Variants in SGO2 observed in about 807,000 individuals in gnomAD.
The protein encoded by SGO2 is shugoshin-like 2.
A neutral mutation model predicts 99.5 loss-of-function variants in SGO2; 68 were observed. The ratio of observed to expected loss-of-function variants is 0.68; its 90% CI spans 0.56 to 0.84. SGO2 has a LOEUF of 0.84. SGO2 is among the 40% of genes least tolerant of loss of function. The pLI is 0.00. For synonymous variants in SGO2, 457 were observed against 487.1 expected (o/e 0.94, Z 0.81); for missense variants, 1,350 against 1,436.7 (o/e 0.94, Z 0.97).
intron 2 of SGO2, 98 bp downstream of exon 2, chr2:200,533,206 A>G (rs1173917049): frequency 7.6e-7 from 1 of 1,309,754 alleles, no homozygotes; most frequent in African/African-American, 1.5e-5. Flanking sequence ...GAAAATTACT[A>G]AAATGACCAT....
rs151154204 is a variant in SGO2, at chr2:200,571,431, A to C, written c.1085A>C (p.Asp362Ala). The C allele has an allele frequency of 5.3e-4, 857 of 1,610,990 alleles. 5 individuals are homozygous for C. In the African/African-American group the frequency reaches 0.01, roughly 19 times the overall value. ...TTTCAATTGCAGAAAACTGTGTATG[A>C]TGCTGACATGGATTTAACTGCTAGT... ...DDFQLQKTVY[D>A]ADMDLTASEV... The change falls in exon 7 of 9, where the codon GAT becomes GCT. Residue 362 changes from aspartate to alanine, a missense_variant. By Grantham distance (126) the Asp-to-Ala change is moderately radical. Coordinates refer to ENST00000357799, the MANE Select transcript of SGO2 (RefSeq NM_152524.6).
chr2:200,535,981 A>G, intron 3 of SGO2, 84 bp from the exon 4 acceptor site: 1 of 819,860 alleles, frequency 1.2e-6, no homozygotes, highest in Non-Finnish European at 1.9e-6. Flanking sequence ...GTTTTCTCAC[A>G]TGGATGGCAT....
rs766832478 is a variant in SGO2 at position 200,573,848 on chromosome 2, A to T, written c.3502A>T (p.Lys1168Ter). The T allele has an allele frequency of 1.9e-6, 3 of 1,613,308 alleles. No individual in the cohort carries two copies. Among genetic ancestry groups the T allele is most frequent in the Non-Finnish European group, 2.5e-6 (3 of 1,179,484 alleles). The change falls in exon 7 of 9, where the codon AAA becomes TAA. Residue 1168 changes from lysine to a stop codon, truncating the protein, a stop_gained. Transcript: ENST00000357799. LOFTEE classifies it high-confidence loss of function. ...GLVPLSVSSG[K>*]NVIIKENFAL... ...AGTACCTTTGAGCGTTTCTTCTGGT[A>T]AAAATGTGATAATAAAAGAAAATTT...
intron 2 of SGO2, 194 bp downstream of exon 2, chr2:200,533,302 G>A (rs1288332223): frequency 1.3e-5 from 6 of 457,872 alleles, no homozygotes; most frequent in Non-Finnish European, 2.2e-5. Flanking sequence ...TTTACCCTAA[G>A]TGTGACACAG....
At chr2:200,532,922 A>T (rs2031483920) in intron 1 of SGO2, 52 bp from the exon 2 acceptor site, 2 of 1,521,348 alleles carry the variant, frequency 1.3e-6, no homozygotes, top group African/African-American at 2.8e-5. Flanking sequence ...TTTATCAGTT[A>T]TACTTTTTCT....
rs1044950067 is a variant in SGO2 at position 200,555,519 on chromosome 2, T to A, written c.473+12855T>A. Among the ~76,000 whole-genome samples, 6 of 152,272 alleles carry A rather than the reference T, an allele frequency of 3.9e-5. No homozygotes were observed. In the East Asian group the frequency reaches 9.6e-4, roughly 24 times the overall value. ...CAGTACAATGATTTTACTGTGCATTTTTTACAAAGCAACCCAAAGCTAATC... is the reference window on the plus strand; with the variant it reads ...CAGTACAATGATTTTACTGTGCATTATTTACAAAGCAACCCAAAGCTAATC... On this transcript the variant is annotated intron_variant, in intron 5 of 8. Transcript: ENST00000357799.
intron 4 of SGO2, among the ~76,000 whole-genome samples, chr2:200,541,570 A>G (rs929188753): frequency 6.6e-6 from 1 of 152,182 alleles, no homozygotes; most frequent in Non-Finnish European, 1.5e-5. Context: ...TGCAAGTATA[A>G]TAAACTTTAT....
At position 200,562,202 on chromosome 2, in the gene SGO2, A is replaced by G. The variant is rs1224181898; in HGVS notation, c.474-7461A>G. On this transcript the variant is annotated intron_variant, in intron 5 of 8. Coordinates refer to ENST00000357799, the MANE Select transcript of SGO2 (RefSeq NM_152524.6). ...TTTATGGTTTTAGGTCTAACATGTA[A>G]GTCTTTAATCCATCTTGAATTAATT... Among the ~76,000 whole-genome samples the G allele has an allele frequency of 2.0e-5, 3 of 152,312 alleles. No homozygotes were observed. The East Asian group carries it at 5.8e-4, about 29-fold the overall frequency.
chr2:200,543,030 C>T (rs112299403), intron 5 of SGO2: 8,613 of 153,060 alleles, frequency 0.056, 310 homozygotes, highest in Non-Finnish European at 0.086. Context: ...ACCAGCAGGA[C>T]GTGGTGGCTC....
intron 5 of SGO2, among the ~76,000 whole-genome samples, chr2:200,550,997 A>AG (rs1413648532): frequency 6.6e-6 from 1 of 151,998 alleles, no homozygotes; most frequent in African/African-American, 2.4e-5. Flanking sequence ...GTAGCAAAAA[A>AG]AAAAAAGAAA....
intron 5 of SGO2, among the ~76,000 whole-genome samples, chr2:200,557,417 C>CT (rs1553560738): frequency 1.3e-5 from 2 of 152,160 alleles, no homozygotes; most frequent in Admixed American, 1.3e-4. Flanking sequence ...GTGCTGCAGT[C>CT]TATTTCCTTT....
chr2:200,539,026 A>G (rs2031832200), intron 4 of SGO2, among the ~76,000 whole-genome samples: 1 of 152,126 alleles, frequency 6.6e-6, no homozygotes, highest in South Asian at 2.1e-4. Context: ...AGCCCATAAA[A>G]AGAATTTGGA....
At position 200,570,631 on chromosome 2, in the gene SGO2, CATAT is replaced by C. The variant is rs138812595; in HGVS notation, c.704-416_704-413del. Among the ~76,000 whole-genome samples, 2 of 150,456 alleles carry C rather than the reference CATAT, an allele frequency of 1.3e-5. No individual in the cohort carries two copies. Among genetic ancestry groups the C allele is most frequent in the Non-Finnish European group, 3.0e-5 (2 of 67,548 alleles). On this transcript the variant is annotated intron_variant, in intron 6 of 8. Coordinates refer to ENST00000357799, the MANE Select transcript of SGO2 (RefSeq NM_152524.6). The surrounding 1 kb of genome is among the most constrained non-coding windows in gnomAD (Gnocchi z 4.4). ...GTGTATATATTTACACACATACAAACATATATTAATATATGTATATATAATTTAT... is the reference window on the plus strand; with the variant it reads ...GTGTATATATTTACACACATACAAACATTAATATATGTATATATAATTTAT...
At chr2:200,557,518 C>G (rs1262564735) in intron 5 of SGO2, among the ~76,000 whole-genome samples, 3 of 152,138 alleles carry the variant, frequency 2.0e-5, no homozygotes, top group Admixed American at 6.5e-5. Flanking sequence ...AGAGAGGGTT[C>G]TTGGATCTCA....
At chr2:200,581,850 G>A (rs757238872) in intron 8 of SGO2, among the ~76,000 whole-genome samples, 11 of 152,124 alleles carry the variant, frequency 7.2e-5, no homozygotes, top group Non-Finnish European at 1.5e-4. Context: ...ACAGCATTTT[G>A]CTGTGTTTTA....
rs1421695328 is a variant in SGO2 at position 200,572,279 on chromosome 2, A to G, written c.1933A>G (p.Asn645Asp). 6.2e-7 allele frequency: 1 copy of G among 1,610,718 alleles called. No individual in the cohort carries two copies. The change falls in exon 7 of 9, where the codon AAT becomes GAT. Residue 645 changes from asparagine to aspartate, a missense_variant. Physicochemically the swap from Asn to Asp is conservative, Grantham distance 23. Coordinates refer to ENST00000357799, the MANE Select transcript of SGO2 (RefSeq NM_152524.6). ...KDVVHGLKKG[N>D]FFFKTQEDKE... ...TGTGGTGCATGGCCTAAAAAAAGGT[A>G]ATTTTTTTTTCAAAACCCAAGAGGA...
chr2:200,532,445 C>G, intron 1 of SGO2: 1 of 984,826 alleles, frequency 1.0e-6, no homozygotes, highest in Non-Finnish European at 1.2e-6. Flanking sequence ...TTAATCGCTT[C>G]TCCTCTGCAT....
intron 5 of SGO2, 24 bp downstream of exon 5, chr2:200,542,688 T>TA (rs1313985427): frequency 6.4e-7 from 1 of 1,562,926 alleles, no homozygotes; most frequent in Non-Finnish European, 8.8e-7. Flanking sequence ...TGAATTACAC[T>TA]AGTTCAGAGT....
At chr2:200,534,497 A>C (rs2031591442) in intron 2 of SGO2, among the ~76,000 whole-genome samples, 1 of 152,190 alleles carries the variant, frequency 6.6e-6, no homozygotes. Flanking sequence ...TCTATCACTC[A>C]AAGTTTAAAA....
Sources: allele counts gnomAD v4.1 joint callset (sites outside exome capture counted in the v4.1 genomes callset), GRCh38; gene constraint gnomAD v4.1.1; non-coding constraint Gnocchi (gnomAD v3.1); transcripts MANE v1.5; gene names NCBI Gene and HGNC (gene_info 2026-07-23, HGNC 2026-07-21).